ZC4H2: variants seen among roughly 807,000 people sequenced by gnomAD.
ZC4H2 encodes zinc finger C4H2 domain-containing protein.
For missense variants in ZC4H2, 137 were observed against 173.9 expected (o/e 0.79, Z 1.19); for synonymous variants, 84 against 66.3 (o/e 1.27, Z -1.30).
At chrX:65,015,865 T>A (rs1164534305) in intron 1 of ZC4H2, among the ~76,000 whole-genome samples, 1 of 110,962 alleles carries the variant, frequency 9.0e-6, no homozygotes, top group African/African-American at 3.3e-5. Flanking sequence ...TTCCCATCTC[T>A]TCTCTTAGTC....
chrX:65,034,432 C>G (rs1932981169), intron 1 of ZC4H2, among the ~76,000 whole-genome samples: 1 of 111,123 alleles, frequency 9.0e-6, no homozygotes, highest in Admixed American at 9.5e-5. Context: ...TTGGAGGAGC[C>G]AAGACAAATA....
chrX:64,928,102 G>A (rs961390544), intron 1 of ZC4H2, among the ~76,000 whole-genome samples: 9 of 111,652 alleles, frequency 8.1e-5, no homozygotes, highest in Non-Finnish European at 9.4e-5. Context: ...AGTTTTTTTC[G>A]CTATGCAGAA....
chrX:65,012,354 C>T (rs185055732), intron 1 of ZC4H2, among the ~76,000 whole-genome samples: 2 of 109,754 alleles, frequency 1.8e-5, no homozygotes, highest in Admixed American at 1.9e-4. Context: ...CTCAAGTATT[C>T]ATGCAAGGCA....
chrX:64,955,858 G>T (rs982840704), intron 1 of ZC4H2, among the ~76,000 whole-genome samples: 2 of 111,887 alleles, frequency 1.8e-5, no homozygotes, highest in African/African-American at 6.5e-5. Flanking sequence ...TAGACAAGAA[G>T]CTTTAACGGT....
chrX:64,954,322 A>ATATATATATAAT (rs1931033534), intron 1 of ZC4H2, among the ~76,000 whole-genome samples: 1 of 68,238 alleles, frequency 1.5e-5, no homozygotes, highest in South Asian at 5.4e-4. Flanking sequence ...GTATAATTAT[A>ATATATATATAAT]TATATATATA....
Position 65,021,586 on chromosome X carries a change from A to C in ZC4H2, c.-272+13043T>G, listed in dbSNP as rs1932836855. ...CAAGGGAAAGCAGGAAAGATCTAAAATTGACACCCTAGCATCGCAATGAAA... is the reference window on the plus strand; with the variant it reads ...CAAGGGAAAGCAGGAAAGATCTAAACTTGACACCCTAGCATCGCAATGAAA... On this transcript the variant is annotated intron_variant, in intron 1 of 4. Transcript: ENST00000337990. Among the ~76,000 whole-genome samples, 3 of 111,382 alleles carry C rather than the reference A, an allele frequency of 2.7e-5. 1 individual carries two copies. Among genetic ancestry groups the C allele is most frequent in the African/African-American group, 1.0e-4 (3 of 30,058 alleles).
intron 1 of ZC4H2, among the ~76,000 whole-genome samples, chrX:65,026,373 G>GCAGTTT (rs1932878619): frequency 8.9e-6 from 1 of 111,827 alleles, no homozygotes; most frequent in Non-Finnish European, 1.9e-5. Context: ...TGGGAGAGCA[G>GCAGTTT]AATGTTTGTA....
At chrX:64,918,031 C>T (rs961490988) in intron 4 of ZC4H2, 135 bp from the exon 5 acceptor site, 108 of 730,173 alleles carry the variant, frequency 1.5e-4, no homozygotes, top group South Asian at 2.8e-4. Context: ...TGAGTAGACT[C>T]AAGTATTCTT....
intron 1 of ZC4H2, among the ~76,000 whole-genome samples, chrX:64,987,442 A>T (rs1416634433): frequency 1.9e-5 from 2 of 106,451 alleles, no homozygotes; most frequent in South Asian, 8.3e-4. Flanking sequence ...ACTCACACAT[A>T]TATGCCAAAC....
chrX:65,005,339 G>A (rs1469392874), intron 1 of ZC4H2, among the ~76,000 whole-genome samples: 4 of 111,151 alleles, frequency 3.6e-5, no homozygotes, highest in African/African-American at 1.3e-4. Context: ...TATACTACAA[G>A]GCTACAGTAA....
intron 1 of ZC4H2, among the ~76,000 whole-genome samples, chrX:64,952,612 A>G (rs1602413228): frequency 9.0e-6 from 1 of 111,182 alleles, no homozygotes; most frequent in Non-Finnish European, 1.9e-5. Flanking sequence ...AACTTACAAG[A>G]GATGTGAAGG....
intron 1 of ZC4H2, among the ~76,000 whole-genome samples, chrX:65,016,368 T>A (rs767677649): frequency 1.8e-5 from 2 of 111,862 alleles, no homozygotes; most frequent in Non-Finnish European, 3.8e-5. Context: ...CTAGGGAAAG[T>A]ATTGATTGGC....
intron 1 of ZC4H2, among the ~76,000 whole-genome samples, chrX:64,961,144 T>C (rs1336399054): frequency 1.8e-5 from 2 of 111,782 alleles, no homozygotes; most frequent in Admixed American, 9.5e-5. Context: ...TGGGTGTATA[T>C]ATATTTATAA....
intron 1 of ZC4H2, among the ~76,000 whole-genome samples, chrX:64,944,470 T>A (rs1930440778): frequency 9.0e-6 from 1 of 111,589 alleles, no homozygotes; most frequent in African/African-American, 3.3e-5. Flanking sequence ...ATGGGCTTCT[T>A]TTGTTGGTAA....
rs1044721688 is a variant in ZC4H2, at chrX:64,998,417, C to T, written c.-272+36212G>A. On this transcript the variant is annotated intron_variant, in intron 1 of 4. Coordinates refer to the ZC4H2 transcript ENST00000337990. Reference sequence around the variant, plus strand: ...AAATACTTCTATTATAAGAGAAAAACTAGGATATTATACATTGAGAAAAAG... The same window carrying T: ...AAATACTTCTATTATAAGAGAAAAATTAGGATATTATACATTGAGAAAAAG... 2.7e-5 allele frequency among the ~76,000 whole-genome samples: 3 copies of T among 111,933 alleles called. No individual in the cohort carries two copies. The Admixed American group carries it at 2.8e-4, about 11-fold the overall frequency.
chrX:64,970,691 C>T (rs927745202), intron 1 of ZC4H2, among the ~76,000 whole-genome samples: 7 of 111,907 alleles, frequency 6.3e-5, no homozygotes, highest in African/African-American at 2.3e-4. Flanking sequence ...CGAGGCATTT[C>T]ATATGGGTCT....
intron 1 of ZC4H2, among the ~76,000 whole-genome samples, chrX:65,020,023 A>T (rs764622523): frequency 3.4e-4 from 38 of 112,029 alleles, no homozygotes; most frequent in African/African-American, 1.2e-3. Context: ...GCCTCCAAGA[A>T]ATATGGGACT....
chrX:64,961,377 G>T (rs893555841), intron 1 of ZC4H2, among the ~76,000 whole-genome samples: 1 of 111,238 alleles, frequency 9.0e-6, no homozygotes, highest in Admixed American at 9.6e-5. Context: ...TCTAAACTAA[G>T]AAATTTTTTG....
At chrX:64,919,887 A>G in intron 3 of ZC4H2, 194 bp downstream of exon 3, 1 of 379,028 alleles carries the variant, frequency 2.6e-6, no homozygotes. Context: ...CTTCTGTTTT[A>G]ACAAGCTGGC....
Sources: allele counts gnomAD v4.1 joint callset (sites outside exome capture counted in the v4.1 genomes callset), GRCh38; gene constraint gnomAD v4.1.1; transcripts MANE v1.5; gene names NCBI Gene and HGNC (gene_info 2026-07-23, HGNC 2026-07-21).